DOCK8: variants seen among roughly 807,000 people sequenced by gnomAD.
DOCK8 encodes the protein dedicator of cytokinesis protein 8.
Under a neutral mutation model 245.6 loss-of-function variants are expected in DOCK8, and 141 were observed. That is an observed-to-expected ratio of 0.57 (90% CI 0.50 to 0.66). The LOEUF is 0.66. Ranked by LOEUF, DOCK8 falls within the 30% of genes least tolerant of loss-of-function variation. The pLI is 0.00. For missense variants in DOCK8, 2,965 were observed against 2,603.4 expected (o/e 1.14, Z -3.02); for synonymous variants, 1,168 against 970.2 (o/e 1.20, Z -3.79).
chr9:430,780 T>G (rs1408238395), intron 36 of DOCK8, among the ~76,000 whole-genome samples: 3 of 152,166 alleles, frequency 2.0e-5, no homozygotes, highest in Non-Finnish European at 4.4e-5. Context: ...TGTTTCCTGT[T>G]TCTAAATTCT....
chr9:253,966 A>G (rs2047710428), intron 1 of DOCK8, among the ~76,000 whole-genome samples: 1 of 152,216 alleles, frequency 6.6e-6, no homozygotes, highest in Non-Finnish European at 1.5e-5. Flanking sequence ...TTAAAATGCA[A>G]AGTATTCTAA....
intron 1 of DOCK8, among the ~76,000 whole-genome samples, chr9:232,077 C>A (rs1247411327): frequency 6.6e-6 from 1 of 152,100 alleles, no homozygotes. Context: ...CCCATCAATA[C>A]CTAATTTATT....
rs1402901235 is a variant in DOCK8 at position 432,339 on chromosome 9, A to AT, written c.4785+16dup. The AT allele has an allele frequency of 6.2e-7, 1 of 1,613,854 alleles. No individual in the cohort carries two copies. The highest frequency in any genetic ancestry group is 1.1e-5 in the South Asian group (1 of 91,076). ...TTCCCACCCAGGTACACCGAAGCAC[A>AT]TACCTTGTCTCATGCATGAGTTTGG... On this transcript the variant is annotated intron_variant, in intron 37 of 47. Transcript: ENST00000432829.
At chr9:214,436 T>G, upstream of DOCK8, 2 of 1,487,598 alleles carry the variant, frequency 1.3e-6, no homozygotes, top group South Asian at 1.2e-5. Flanking sequence ...CCTGATAGAT[T>G]CCACTAACTT....
intron 19 of DOCK8, among the ~76,000 whole-genome samples, chr9:376,532 G>A (rs937829231): frequency 6.6e-6 from 1 of 152,220 alleles, no homozygotes; most frequent in African/African-American, 2.4e-5. Flanking sequence ...TATCTGCACT[G>A]TTGGTGGAGA....
Position 289,764 on chromosome 9 carries a change from C to T in DOCK8, c.404+183C>T, listed in dbSNP as rs149549156. ...CACACACAGTTCCCCCTATTATGAA[C>T]ATCTCACTTTAGTGTGGTACATTTG... On this transcript the variant is annotated intron_variant, in intron 4 of 47. Coordinates refer to ENST00000432829, the MANE Select transcript of DOCK8 (RefSeq NM_203447.4). Among the ~76,000 whole-genome samples, 1,781 of 152,276 alleles carry T rather than the reference C, an allele frequency of 0.012. 33 individuals are homozygous for T. The highest frequency in any genetic ancestry group is 0.04 in the African/African-American group (1,669 of 41,544).
chr9:463,872 T>A (rs1427141875), intron 47 of DOCK8, among the ~76,000 whole-genome samples, 185 bp downstream of exon 47: 1 of 152,198 alleles, frequency 6.6e-6, no homozygotes, highest in Non-Finnish European at 1.5e-5. Context: ...CCATCCCTGC[T>A]CCTTGACCTC....
rs1397909786 is a variant in DOCK8 at position 418,211 on chromosome 9, T to C, written c.3840+4T>C. 6.2e-7 allele frequency: 1 copy of C among 1,614,074 alleles called. No individual in the cohort carries two copies. The highest frequency in any genetic ancestry group is 8.5e-7 in the Non-Finnish European group (1 of 1,180,006). On this transcript the variant is annotated splice_donor_region_variant and intron_variant, in intron 30 of 47. Coordinates refer to ENST00000432829, the MANE Select transcript of DOCK8 (RefSeq NM_203447.4). ...TGGAATAGTGCTGTCTTCCTTGGTA[T>C]GTTGGTGCACATGTGTCTGGTTGAT...
intron 14 of DOCK8, chr9:366,364 T>G (rs2053000018): frequency 1.3e-5 from 2 of 152,250 alleles, no homozygotes; most frequent in African/African-American, 4.8e-5. Context: ...GACCTAGGAA[T>G]ACTATTTATT....
chr9:441,275 C>T lies in DOCK8; in HGVS notation c.5224-11C>T. The T allele has an allele frequency of 6.2e-7, 1 of 1,614,130 alleles. No homozygotes were observed. Among genetic ancestry groups the T allele is most frequent in the Non-Finnish European group, 8.5e-7 (1 of 1,180,010 alleles). Reference sequence around the variant, plus strand: ...TTAAATTCTCTCTGATGCTCTTCTCCTCTTTCCAAGGGAGGCTTATATGAG... The same window carrying T: ...TTAAATTCTCTCTGATGCTCTTCTCTTCTTTCCAAGGGAGGCTTATATGAG... On this transcript the variant is annotated splice_polypyrimidine_tract_variant and intron_variant, in intron 40 of 47. Transcript: ENST00000432829.
intron 26 of DOCK8, among the ~76,000 whole-genome samples, chr9:400,388 TCAC>T (rs1177826828): frequency 1.4e-4 from 2 of 14,222 alleles, no homozygotes; most frequent in East Asian, 1.6e-3. Context: ...ACCATCACCA[TCAC>T]CACCACCTCC....
chr9:397,853 A>G lies in DOCK8; in HGVS notation c.3120+919A>G, dbSNP rs75294052. Among the ~76,000 whole-genome samples, 643 of 152,334 alleles carry G rather than the reference A, an allele frequency of 4.2e-3. 4 individuals are homozygous for G. The highest frequency in any genetic ancestry group is 0.014 in the African/African-American group (599 of 41,576). On this transcript the variant is annotated intron_variant, in intron 25 of 47. Transcript: ENST00000432829. Reference sequence around the variant, plus strand: ...ATAAAACAAATGTAGCAAAATGTCAAGTATTGATAAGCTTCGTTAAAGGGT... The same window carrying G: ...ATAAAACAAATGTAGCAAAATGTCAGGTATTGATAAGCTTCGTTAAAGGGT...
chr9:336,972 C>T lies in DOCK8; in HGVS notation c.1422+254C>T, dbSNP rs149640731. On this transcript the variant is annotated intron_variant, in intron 12 of 47. Coordinates refer to ENST00000432829, the MANE Select transcript of DOCK8 (RefSeq NM_203447.4). ...CCCTTGGTGAGGGCTTTCTTGCTGGCGGGGCCTCTCTGTAGAGTCCTGAGG... is the reference window on the plus strand; with the variant it reads ...CCCTTGGTGAGGGCTTTCTTGCTGGTGGGGCCTCTCTGTAGAGTCCTGAGG... Among the ~76,000 whole-genome samples, 27 of 152,220 alleles carry T rather than the reference C, an allele frequency of 1.8e-4. No homozygotes were observed. In the East Asian group the frequency reaches 4.5e-3, roughly 25 times the overall value.
rs13285348 is a variant in DOCK8, at chr9:414,824, C to G, written c.3573C>G (p.Ser1191Arg). 5.0e-6 allele frequency: 8 copies of G among 1,614,082 alleles called. No homozygotes were observed. Among genetic ancestry groups the G allele is most frequent in the Non-Finnish European group, 5.9e-6 (7 of 1,180,038 alleles). Residue 1191 changes from serine (S) to arginine (R), a missense_variant, in exon 29 of 48, where the codon AGC becomes AGG. This residue lies in a region of DOCK8 where 2,825 missense variants were observed against 2,453.5 expected (regional missense o/e 1.15). Transcript: ENST00000432829. ...GGAAAGCTGTCAGTGCAATTCACAG[C>G]CTGCTAAGTTCTCACGACCTGGACC... is the stretch of plus-strand genomic sequence containing the variant. ...VQRKAVSAIH[S>R]LLSSHDLDPR... is the part of the protein sequence containing the mutation.
At chr9:461,679 C>T (rs1418896532) in intron 46 of DOCK8, among the ~76,000 whole-genome samples, 2 of 151,702 alleles carry the variant, frequency 1.3e-5, no homozygotes, top group African/African-American at 4.8e-5. Context: ...ATAGCTGGGA[C>T]TGCAGTCACC....
intron 14 of DOCK8, among the ~76,000 whole-genome samples, chr9:357,419 A>G (rs2052495912): frequency 6.6e-6 from 1 of 152,208 alleles, no homozygotes; most frequent in Non-Finnish European, 1.5e-5. Flanking sequence ...AAGTGGTACC[A>G]TAAGAGACAT....
intron 1 of DOCK8, chr9:268,130 A>T (rs2048076443): frequency 6.6e-6 from 1 of 152,166 alleles, no homozygotes; most frequent in Non-Finnish European, 1.5e-5. Flanking sequence ...CACTAGAGAT[A>T]TTTTATTTTG....
At chr9:410,224 T>TA (rs1326247304) in intron 28 of DOCK8, among the ~76,000 whole-genome samples, 2 of 152,176 alleles carry the variant, frequency 1.3e-5, no homozygotes, top group African/African-American at 2.4e-5. Flanking sequence ...ACCAGTCAGA[T>TA]AAAAAATATA....
rs769171274 is a variant in DOCK8 at position 463,673 on chromosome 9, T to C, written c.6225T>C (p.Val2075=). The change falls in exon 47 of 48, where the codon GTT becomes GTC. Residue 2075 remains valine (V), a synonymous_variant. Coordinates refer to ENST00000432829, the MANE Select transcript of DOCK8 (RefSeq NM_203447.4). ...IPELYKPIFR[V]ESQKRDSFHR... is the part of the protein sequence containing the mutation. The stretch of plus-strand genomic sequence containing the variant: ...AACTGTACAAGCCAATATTCAGAGT[T>C]GAGAGTCAAAAGAGGTAAGAACAGG... The C allele has an allele frequency of 4.3e-6, 7 of 1,613,776 alleles. No homozygotes were observed. Among genetic ancestry groups the C allele is most frequent in the South Asian group, 2.2e-5 (2 of 91,078 alleles).
Sources: allele counts gnomAD v4.1 joint callset (sites outside exome capture counted in the v4.1 genomes callset), GRCh38; gene constraint gnomAD v4.1.1; regional missense constraint gnomAD v4.1.1; transcripts MANE v1.5; gene names NCBI Gene and HGNC (gene_info 2026-07-23, HGNC 2026-07-21).